Variants in NOS1 observed in about 807,000 individuals in gnomAD.
NOS1 encodes the protein NOS type I.
In NOS1, 51 loss-of-function variants were observed where a neutral mutation model predicts 164.5. That is an observed-to-expected ratio of 0.31 (90% CI 0.25 to 0.39). The LOEUF (loss-of-function observed/expected upper bound fraction) is 0.39, where lower values mean the gene tolerates loss of function less well. Among genes scored for constraint, NOS1 ranks in the 10% least tolerant of loss-of-function variants. The pLI is 1.00. For synonymous variants in NOS1, 719 were observed against 745.8 expected (o/e 0.96, Z 0.59); for missense variants, 1,362 against 1,885.6 (o/e 0.72, Z 5.14).
chr12:117,294,162 G>A (rs145747471), intron 3 of NOS1, among the ~76,000 whole-genome samples: 3 of 152,144 alleles, frequency 2.0e-5, no homozygotes, highest in Non-Finnish European at 4.4e-5. Context: ...AAACCCTCTC[G>A]GCCACCCATG....
At chr12:117,221,318 C>CT (rs201784052) in intron 26 of NOS1, among the ~76,000 whole-genome samples, 44 of 146,864 alleles carry the variant, frequency 3.0e-4, no homozygotes, top group South Asian at 1.5e-3. Context: ...CCACACCTGG[C>CT]TTTTTTTTTT....
At position 117,272,606 on chromosome 12, in the gene NOS1, G is replaced by A; in HGVS notation, c.1665-47C>T. ...AGCTCACCCGGAGCAGGTGTCTCAT[G>A]GGCGGGACAGCTTGAATCTAGAGAT... On this transcript the variant is annotated intron_variant, in intron 9 of 28. Coordinates refer to ENST00000317775, the MANE Select transcript of NOS1 (RefSeq NM_000620.5). This position sits in a 1 kb window ranked among gnomAD's most constrained non-coding sequence, Gnocchi z 4.3. The A allele has an allele frequency of 6.4e-7, 1 of 1,565,842 alleles. No individual in the cohort carries two copies.
intron 3 of NOS1, among the ~76,000 whole-genome samples, chr12:117,311,145 A>G (rs886769287): frequency 1.3e-5 from 2 of 152,204 alleles, no homozygotes; most frequent in Non-Finnish European, 2.9e-5. Context: ...GGTTACAGGC[A>G]TGAGGCACTA....
chr12:117,355,181 A>G (rs1876801458), intron 1 of NOS1, among the ~76,000 whole-genome samples: 1 of 152,176 alleles, frequency 6.6e-6, no homozygotes. Context: ...CAAAAAGAAA[A>G]GGCTCATCAT....
chr12:117,216,474 G>A (rs575150435), intron 28 of NOS1, among the ~76,000 whole-genome samples: 32 of 151,266 alleles, frequency 2.1e-4, no homozygotes, highest in Non-Finnish European at 3.5e-4. Context: ...GAGCCATCGC[G>A]CCCGGCCTTT....
At chr12:117,306,435 C>T (rs1277810352) in intron 3 of NOS1, among the ~76,000 whole-genome samples, 1 of 151,968 alleles carries the variant, frequency 6.6e-6, no homozygotes, top group Admixed American at 6.6e-5. Context: ...AATGGCCCAA[C>T]AGCAGGTAGG....
intron 22 of NOS1, 141 bp downstream of exon 22, chr12:117,231,821 A>G (rs1869259722): frequency 1.1e-6 from 1 of 897,462 alleles, no homozygotes. Context: ...GGACCAGCCA[A>G]TATGGCAATC....
At chr12:117,233,664 T>C (rs1405591806) in intron 21 of NOS1, among the ~76,000 whole-genome samples, 2 of 151,556 alleles carry the variant, frequency 1.3e-5, no homozygotes, top group African/African-American at 4.8e-5. Context: ...AAAAATTAGC[T>C]GGGTGTGGTG....
chr12:117,208,365 A>AG lies in NOS1; in HGVS notation c.*6943dup. 4.8e-6 allele frequency: 6 copies of AG among 1,257,078 alleles called. No homozygotes were observed. Among genetic ancestry groups the AG allele is most frequent in the Non-Finnish European group, 6.1e-6 (6 of 980,306 alleles). The allele number at this position is 1,257,078 out of a possible 1,614,324, so 77.9% of individuals were successfully genotyped here. ...TTAGCAGCATTGAGAGCTCAGAGGTAGGGGGGACGGCCGAGTTTCTGACAG... is the reference window on the plus strand; with the variant it reads ...TTAGCAGCATTGAGAGCTCAGAGGTAGGGGGGGACGGCCGAGTTTCTGACAG... On this transcript the variant is annotated 3_prime_UTR_variant, in exon 29 of 29. Coordinates refer to ENST00000317775, the MANE Select transcript of NOS1 (RefSeq NM_000620.5).
At chr12:117,237,293 G>A (rs117280339) in intron 20 of NOS1, among the ~76,000 whole-genome samples, 12,034 of 151,954 alleles carry the variant, frequency 0.079, 921 homozygotes, top group Admixed American at 0.26. Context: ...CACCATGCCC[G>A]GCTAGTTTTT....
chr12:117,232,155 C>A (rs1869291028), intron 21 of NOS1, 24 bp from the exon 22 acceptor site: 4 of 1,610,392 alleles, frequency 2.5e-6, no homozygotes, highest in Non-Finnish European at 3.4e-6. Context: ...AGGCAGGTGA[C>A]AGGTGGGTGT....
At chr12:117,300,360 C>T (rs1439775371) in intron 3 of NOS1, among the ~76,000 whole-genome samples, 2 of 152,220 alleles carry the variant, frequency 1.3e-5, no homozygotes, top group African/African-American at 4.8e-5. Flanking sequence ...AATATACTCA[C>T]TCTTAAAACA....
In NOS1 at chr12:117,220,128, G is replaced by T. The variant is rs780701742; in HGVS notation, c.4117C>A (p.Gln1373Lys). ...TCCTCTGCCGAGAGCTTCCCCTGCT[G>T]GGTCATGATGCGCTGGATGGCTTTG... ...VLKAIQRIMT[Q>K]QGKLSAEDAG... Residue 1373 changes from glutamine to lysine, a missense_variant, in exon 27 of 29, where the codon CAG (glutamine) becomes AAG (lysine). Around this residue, in one of 4 missense-constraint regions of NOS1, gnomAD observed 737 missense variants for 1,030.3 expected, o/e 0.72. Transcript: ENST00000317775. 1 of 1,613,762 alleles carries T rather than the reference G, an allele frequency of 6.2e-7. No individual in the cohort carries two copies. Among genetic ancestry groups the T allele is most frequent in the Non-Finnish European group, 8.5e-7 (1 of 1,179,880 alleles).
At position 117,332,081 on chromosome 12, in the gene NOS1, T is replaced by A. The variant is rs1313522352; in HGVS notation, c.-420-592A>T. ...GGCTTAGTCACACTACAAACATAAA[T>A]ACTAAGAAGATGGGTCCACACAAAA... On this transcript the variant is annotated intron_variant, in intron 1 of 28. Transcript: ENST00000317775. Among the ~76,000 whole-genome samples the A allele has an allele frequency of 3.3e-5, 5 of 152,136 alleles. No individual in the cohort carries two copies. In the South Asian group the frequency reaches 1.0e-3, roughly 32 times the overall value.
intron 1 of NOS1, among the ~76,000 whole-genome samples, chr12:117,353,166 T>A (rs1876706687): frequency 6.6e-6 from 1 of 152,120 alleles, no homozygotes; most frequent in South Asian, 2.1e-4. Context: ...CATCTGTCTA[T>A]CCATCTATCT....
intron 20 of NOS1, among the ~76,000 whole-genome samples, chr12:117,241,757 G>C (rs1017806823): frequency 6.6e-6 from 1 of 152,186 alleles, no homozygotes; most frequent in Non-Finnish European, 1.5e-5. Flanking sequence ...AGAGCAGAAC[G>C]GCCATCAGAA....
Position 117,259,006 on chromosome 12 carries a change from C to T in NOS1, c.2472+20G>A. On this transcript the variant is annotated intron_variant, in intron 15 of 28. Coordinates refer to ENST00000317775, the MANE Select transcript of NOS1 (RefSeq NM_000620.5). Reference sequence around the variant, plus strand: ...CTGATGATGGAACCACACTCTTGAACAGGTAAAAGCTCATCTCACCTCCCC... The same window carrying T: ...CTGATGATGGAACCACACTCTTGAATAGGTAAAAGCTCATCTCACCTCCCC... 6.4e-7 allele frequency: 1 copy of T among 1,559,916 alleles called. No homozygotes were observed.
chr12:117,263,122 C>T (rs754764820), intron 13 of NOS1, among the ~76,000 whole-genome samples: 3 of 151,434 alleles, frequency 2.0e-5, no homozygotes, highest in Non-Finnish European at 4.4e-5. Context: ...CAGCATTTGT[C>T]TAGCTTGCCA....
intron 3 of NOS1, among the ~76,000 whole-genome samples, chr12:117,303,541 G>T (rs1042380812): frequency 3.3e-5 from 5 of 152,086 alleles, no homozygotes; most frequent in Admixed American, 3.3e-4. Context: ...GAGGGGCAAG[G>T]GCAATGGGAA....
Sources: gnomAD v4.1 joint callset for allele counts (sites outside exome capture counted in the v4.1 genomes callset) on GRCh38, gnomAD v4.1.1 for gene constraint, gnomAD v4.1.1 regional missense constraint, Gnocchi (gnomAD v3.1) non-coding constraint, MANE v1.5 for transcripts, NCBI Gene and HGNC (gene_info 2026-07-23, HGNC 2026-07-21) for gene names.